TBC1D1: variants seen among roughly 807,000 people sequenced by gnomAD.
TBC1D1 encodes the protein TBC1 domain family member 1, also known as TBC1 (tre-2/USP6, BUB2, cdc16) domain family, member 1.
In TBC1D1, 89 loss-of-function variants were observed where a neutral mutation model predicts 125.6. The observed-to-expected ratio is 0.71, with a 90% CI of 0.60 to 0.85. The LOEUF (loss-of-function observed/expected upper bound fraction) is 0.85, where lower values mean the gene tolerates loss of function less well. Ranked by LOEUF, TBC1D1 falls within the 40% of genes least tolerant of loss-of-function variation. The probability of loss-of-function intolerance (pLI) is 0.00; values close to 1 mark genes in which losing one functional copy is unlikely to be tolerated. For synonymous variants in TBC1D1, 565 were observed against 564.1 expected (o/e 1.00, Z -0.02); for missense variants, 1,377 against 1,469.2 (o/e 0.94, Z 1.03).
At chr4:38,104,795 G>A (rs968691592) in intron 15 of TBC1D1, among the ~76,000 whole-genome samples, 1 of 148,994 alleles carries the variant, frequency 6.7e-6, no homozygotes, top group Non-Finnish European at 1.5e-5. Context: ...TCGCTCTGTC[G>A]CCCAGGCTAG....
At chr4:37,988,325 A>G (rs1470447026) in intron 2 of TBC1D1, among the ~76,000 whole-genome samples, 1 of 152,214 alleles carries the variant, frequency 6.6e-6, no homozygotes, top group Admixed American at 6.5e-5. Context: ...CAAGCCAACT[A>G]TCTTAGATTG....
intron 2 of TBC1D1, among the ~76,000 whole-genome samples, chr4:37,906,148 TTC>T (rs201844127): frequency 0.015 from 2,289 of 151,010 alleles, 50 homozygotes; most frequent in African/African-American, 0.053. Context: ...TCCCTTCTTT[TTC>T]TTTTCCCCCC....
chr4:38,030,415 A>G (rs2152450956), intron 7 of TBC1D1: 1 of 152,388 alleles, frequency 6.6e-6, no homozygotes, highest in South Asian at 2.1e-4. Flanking sequence ...GGTTGTATTC[A>G]CCAACTTTGA....
intron 2 of TBC1D1, among the ~76,000 whole-genome samples, chr4:37,966,734 G>C (rs978668109): frequency 6.6e-6 from 1 of 152,104 alleles, no homozygotes; most frequent in African/African-American, 2.4e-5. Flanking sequence ...ATTTACATTA[G>C]CTATTTCTCC....
At chr4:37,997,244 T>C (rs150257137) in intron 2 of TBC1D1, among the ~76,000 whole-genome samples, 110 of 152,390 alleles carry the variant, frequency 7.2e-4, no homozygotes, top group Middle Eastern at 6.8e-3. Flanking sequence ...ATCTTCATCT[T>C]AGATAATTAT....
chr4:37,947,728 A>C (rs1349964501), intron 2 of TBC1D1, among the ~76,000 whole-genome samples: 2 of 152,238 alleles, frequency 1.3e-5, no homozygotes, highest in Non-Finnish European at 2.9e-5. Flanking sequence ...ATGTTTAGTC[A>C]AGCAAACAGA....
intron 2 of TBC1D1, among the ~76,000 whole-genome samples, chr4:37,926,106 T>C (rs1464760862): frequency 6.6e-6 from 1 of 152,226 alleles, no homozygotes; most frequent in Non-Finnish European, 1.5e-5. Flanking sequence ...ACTTTAACTA[T>C]TTGGAAGGAA....
intron 14 of TBC1D1, among the ~76,000 whole-genome samples, chr4:38,101,226 A>T (rs1156815762): frequency 6.6e-6 from 1 of 152,220 alleles, no homozygotes. Context: ...CCTTCTGGAC[A>T]GGCTGTCTGA....
intron 8 of TBC1D1, among the ~76,000 whole-genome samples, chr4:38,040,241 T>C (rs1018195233): frequency 2.6e-5 from 4 of 152,218 alleles, no homozygotes; most frequent in African/African-American, 9.6e-5. Flanking sequence ...TAGGATCTAC[T>C]AACTGATGCT....
chr4:37,902,297 G>A lies in TBC1D1; in HGVS notation c.202G>A (p.Val68Ile), dbSNP rs565418024. 41 of 1,614,020 alleles carry A rather than the reference G, an allele frequency of 2.5e-5. No individual in the cohort carries two copies. The Admixed American group carries it at 4.7e-4, about 18-fold the overall frequency. ...TGTAACCAAGCAAGTCCGGCTTTGC[G>A]TTTCACCCTCTGGACTGAGATGTGA... Residue 68 changes from valine (V) to isoleucine (I), a missense_variant, in exon 2 of 20, where the codon GTT becomes ATT. Around this residue, in one of 3 missense-constraint regions of TBC1D1, gnomAD observed 822 missense variants for 824.6 expected, o/e 1.00. Coordinates refer to ENST00000261439, the MANE Select transcript of TBC1D1 (RefSeq NM_015173.4).
At chr4:38,047,230 T>C (rs1267190142) in intron 10 of TBC1D1, among the ~76,000 whole-genome samples, 1 of 152,220 alleles carries the variant, frequency 6.6e-6, no homozygotes, top group Non-Finnish European at 1.5e-5. Flanking sequence ...GGATGAGTGC[T>C]TCTCAAATTT....
chr4:38,062,286 G>A (rs1004554483), intron 12 of TBC1D1, among the ~76,000 whole-genome samples: 5 of 147,996 alleles, frequency 3.4e-5, no homozygotes, highest in African/African-American at 1.2e-4. Flanking sequence ...TTTTTTCCCT[G>A]CGTGTTTTTG....
intron 2 of TBC1D1, among the ~76,000 whole-genome samples, chr4:38,002,876 T>G (rs1346626218): frequency 6.6e-6 from 1 of 152,088 alleles, no homozygotes; most frequent in East Asian, 1.9e-4. Context: ...CAAACTGAAA[T>G]GTTAAGAAAG....
At chr4:38,130,575 T>TTTCTTG (rs1428464114) in intron 18 of TBC1D1, among the ~76,000 whole-genome samples, 2 of 152,082 alleles carry the variant, frequency 1.3e-5, no homozygotes, top group Non-Finnish European at 2.9e-5. Flanking sequence ...GTGGAATTGC[T>TTTCTTG]CTGAGATGGG....
chr4:38,048,887 A>G (rs1315515020), intron 10 of TBC1D1, among the ~76,000 whole-genome samples: 6 of 152,222 alleles, frequency 3.9e-5, no homozygotes, highest in Admixed American at 1.3e-4. Flanking sequence ...CATGATTCTC[A>G]ACAAATGTTT....
intron 8 of TBC1D1, among the ~76,000 whole-genome samples, chr4:38,043,321 G>T (rs958134349): frequency 6.6e-6 from 1 of 152,004 alleles, no homozygotes; most frequent in African/African-American, 2.4e-5. Flanking sequence ...CCTTCGGCTG[G>T]GTGTGGTAGC....
At chr4:37,930,208 A>C (rs1722984618) in intron 2 of TBC1D1, among the ~76,000 whole-genome samples, 1 of 152,376 alleles carries the variant, frequency 6.6e-6, no homozygotes, top group Middle Eastern at 3.4e-3. Flanking sequence ...ACACGAGTGA[A>C]TTCTAAAAAC....
chr4:37,909,227 A>G (rs1487840392), intron 2 of TBC1D1, among the ~76,000 whole-genome samples: 2 of 152,170 alleles, frequency 1.3e-5, no homozygotes, highest in Non-Finnish European at 2.9e-5. Flanking sequence ...TACCTCGCAT[A>G]TTAAACAAGA....
intron 14 of TBC1D1, among the ~76,000 whole-genome samples, chr4:38,102,685 C>G (rs1192373206): frequency 2.0e-5 from 3 of 151,820 alleles, no homozygotes; most frequent in Non-Finnish European, 4.4e-5. Flanking sequence ...TTGAGACAAG[C>G]CTGGACAGCA....
Sources: gnomAD v4.1 joint callset for allele counts (sites outside exome capture counted in the v4.1 genomes callset) on GRCh38, gnomAD v4.1.1 for gene constraint, gnomAD v4.1.1 regional missense constraint, MANE v1.5 for transcripts, NCBI Gene and HGNC (gene_info 2026-07-23, HGNC 2026-07-21) for gene names.